GYS2: variants seen among roughly 807,000 people sequenced by gnomAD.
GYS2 encodes the protein glycogen synthase 2.
In GYS2, 80 loss-of-function variants were observed where a neutral mutation model predicts 85.6. The observed-to-expected ratio is 0.93, with a 90% CI of 0.78 to 1.13. The LOEUF is 1.13. Ranked by LOEUF, GYS2 falls within the 50% of genes most tolerant of loss-of-function variation. GYS2 has a pLI of 0.00. For missense variants in GYS2, 881 were observed against 854.9 expected, an observed-to-expected ratio of 1.03 and a Z score of -0.38; for synonymous variants, 328 against 300.7, an observed-to-expected ratio of 1.09 and a Z score of -0.94.
downstream of GYS2, chr12:21,534,884 C>T (rs1565588976): frequency 1.3e-5 from 2 of 152,134 alleles, no homozygotes; most frequent in African/African-American, 2.4e-5. Context: ...TCTATGTCTC[C>T]CAATAAGACC....
intron 12 of GYS2, among the ~76,000 whole-genome samples, chr12:21,543,779 TC>T (rs1179513564): frequency 6.6e-6 from 1 of 152,158 alleles, no homozygotes; most frequent in Non-Finnish European, 1.5e-5. Context: ...TGTGTGATGT[TC>T]CCCTCCCTGT....
intron 1 of GYS2, among the ~76,000 whole-genome samples, chr12:21,596,061 A>G (rs528320204): frequency 4.6e-5 from 7 of 152,248 alleles, no homozygotes; most frequent in African/African-American, 1.4e-4. Flanking sequence ...ATGAGCCTCA[A>G]TAAATTTACT....
At chr12:21,584,971 C>T (rs1357188415) in intron 1 of GYS2, among the ~76,000 whole-genome samples, 1 of 152,138 alleles carries the variant, frequency 6.6e-6, no homozygotes, top group Non-Finnish European at 1.5e-5. Context: ...CTTTTGAAGT[C>T]ACGATTACAA....
At chr12:21,589,709 G>A (rs1591809088) in intron 1 of GYS2, among the ~76,000 whole-genome samples, 1 of 152,106 alleles carries the variant, frequency 6.6e-6, no homozygotes, top group African/African-American at 2.4e-5. Flanking sequence ...TGGACTCCAG[G>A]AATCCTAGCC....
intron 1 of GYS2, among the ~76,000 whole-genome samples, chr12:21,596,726 C>T (rs1295283271): frequency 6.6e-6 from 1 of 152,138 alleles, no homozygotes; most frequent in African/African-American, 2.4e-5. Flanking sequence ...TCCTCTTCAA[C>T]ATAGTACTGG....
At chr12:21,603,595 T>C (rs556368654) in intron 1 of GYS2, among the ~76,000 whole-genome samples, 110 of 152,190 alleles carry the variant, frequency 7.2e-4, no homozygotes, top group African/African-American at 2.5e-3. Flanking sequence ...CATGACATAA[T>C]TTCAGATCGT....
chr12:21,539,410 G>T, intron 14 of GYS2, 72 bp from the exon 15 acceptor site: 1 of 836,776 alleles, frequency 1.2e-6, no homozygotes. Flanking sequence ...TATTAAATAA[G>T]GCCTTATTCT....
intron 5 of GYS2, among the ~76,000 whole-genome samples, chr12:21,565,149 T>A (rs1373352082): frequency 6.6e-6 from 1 of 151,906 alleles, no homozygotes; most frequent in African/African-American, 2.4e-5. Flanking sequence ...TCTTCTAATA[T>A]CCATATTTAT....
At chr12:21,553,469 T>G (rs1216811349) in intron 11 of GYS2, among the ~76,000 whole-genome samples, 1 of 152,220 alleles carries the variant, frequency 6.6e-6, no homozygotes, top group Non-Finnish European at 1.5e-5. Context: ...GCCTTCCCTC[T>G]GGATCTATTG....
At chr12:21,588,774 A>G (rs1044576259) in intron 1 of GYS2, among the ~76,000 whole-genome samples, 2 of 152,242 alleles carry the variant, frequency 1.3e-5, no homozygotes, top group African/African-American at 4.8e-5. Flanking sequence ...ACATAAATTG[A>G]TGTCATCTAC....
At chr12:21,603,904 T>C (rs1327538362) in intron 1 of GYS2, among the ~76,000 whole-genome samples, 2 of 152,162 alleles carry the variant, frequency 1.3e-5, no homozygotes, top group Non-Finnish European at 2.9e-5. Context: ...TTCTTTATTT[T>C]ATAATTCCTA....
At chr12:21,569,195 G>T (rs1399905018) in intron 4 of GYS2, among the ~76,000 whole-genome samples, 186 bp from the exon 5 acceptor site, 1 of 152,086 alleles carries the variant, frequency 6.6e-6, no homozygotes, top group Admixed American at 6.5e-5. Flanking sequence ...CACTTTAAAA[G>T]ACATTGTTTA....
chr12:21,588,389 T>C (rs946520676), intron 1 of GYS2, among the ~76,000 whole-genome samples: 4 of 152,236 alleles, frequency 2.6e-5, no homozygotes, highest in African/African-American at 9.6e-5. Context: ...ATGCAAAATA[T>C]ACTTTTTGGA....
downstream of GYS2, among the ~76,000 whole-genome samples, chr12:21,533,745 T>C (rs929937791): frequency 6.6e-6 from 1 of 152,218 alleles, no homozygotes; most frequent in Non-Finnish European, 1.5e-5. Flanking sequence ...ACTCTTACTA[T>C]GGAAGAGACA....
At chr12:21,542,109 A>G (rs747834931) in intron 13 of GYS2, among the ~76,000 whole-genome samples, 4 of 151,858 alleles carry the variant, frequency 2.6e-5, no homozygotes, top group African/African-American at 4.8e-5. Context: ...GTGCAGTGGC[A>G]CGATCTCAGC....
chr12:21,583,284 C>T (rs990441443), intron 1 of GYS2, among the ~76,000 whole-genome samples: 1 of 152,190 alleles, frequency 6.6e-6, no homozygotes, highest in African/African-American at 2.4e-5. Context: ...GTTTGGGGCT[C>T]TTTGAGATAT....
intron 1 of GYS2, among the ~76,000 whole-genome samples, chr12:21,601,505 G>C (rs1267948623): frequency 1.3e-5 from 2 of 152,064 alleles, no homozygotes; most frequent in Non-Finnish European, 2.9e-5. Flanking sequence ...GAACACTTCT[G>C]CATCTTGGCA....
chr12:21,584,665 G>C (rs1944553133), intron 1 of GYS2, among the ~76,000 whole-genome samples: 1 of 152,186 alleles, frequency 6.6e-6, no homozygotes, highest in African/African-American at 2.4e-5. Flanking sequence ...CAGCTACCTG[G>C]TGGCAGGTTG....
intron 1 of GYS2, among the ~76,000 whole-genome samples, chr12:21,594,547 GA>G: frequency 6.6e-6 from 1 of 152,070 alleles, no homozygotes; most frequent in East Asian, 1.9e-4. Context: ...CCAAGGAACC[GA>G]AAAACCTCTA....
Sources: gnomAD v4.1 joint callset for allele counts (sites outside exome capture counted in the v4.1 genomes callset) on GRCh38, gnomAD v4.1.1 for gene constraint, MANE v1.5 for transcripts, NCBI Gene and HGNC (gene_info 2026-07-23, HGNC 2026-07-21) for gene names.